Variants in KLF15 observed in about 807,000 individuals in gnomAD.
KLF15 encodes Krueppel-like factor 15.
Under a neutral mutation model 24.6 loss-of-function variants are expected in KLF15, and 4 were observed. The ratio of observed to expected loss-of-function variants is 0.16; its 90% CI spans 0.08 to 0.37. KLF15 has a LOEUF of 0.37. KLF15 is among the 10% of genes least tolerant of loss of function. The pLI, the probability that KLF15 is intolerant of heterozygous loss-of-function variation, is 1.00. For synonymous variants in KLF15, 246 were observed against 236.3 expected (o/e 1.04, Z -0.37); for missense variants, 496 against 560.6 (o/e 0.88, Z 1.16).
Position 126,352,521 on chromosome 3 carries a change from T to C in KLF15, c.402A>G (p.Pro134=), listed in dbSNP as rs1369596807. 7 of 1,613,092 alleles carry C rather than the reference T, an allele frequency of 4.3e-6. No homozygotes were observed. The highest frequency in any genetic ancestry group is 5.9e-6 in the Non-Finnish European group (7 of 1,180,014). Residue 134 remains proline, a synonymous_variant, in exon 2 of 3, where the codon CCA becomes CCG. Transcript: ENST00000296233. The stretch of plus-strand genomic sequence containing the variant: ...CCTCCAGGGTAGGCTGGAAGGGCCG[T>C]GGGACGTCATCAGGATCACCCAAAG... ...EFPLGDPDDV[P]RPFQPTLEEI...
At chr3:126,335,587 G>A in the KLF15 span, among the ~76,000 whole-genome samples, 310 of 147,714 alleles carry the variant, frequency 2.1e-3, 2 homozygotes, top group Non-Finnish European at 1.4e-3. Context: ...AATGAGGCAG[G>A]AGAAGGAAAT....
At chr3:126,326,975 C>T in the KLF15 span, among the ~76,000 whole-genome samples, 2 of 152,250 alleles carry the variant, frequency 1.3e-5, no homozygotes, top group African/African-American at 2.4e-5. Flanking sequence ...CTAGCCTCCC[C>T]GACACATCAC....
chr3:126,332,272 C>T, the KLF15 span, among the ~76,000 whole-genome samples: 11 of 149,240 alleles, frequency 7.4e-5, no homozygotes, highest in Non-Finnish European at 1.0e-4. Context: ...CCCTGACCCC[C>T]GAGCAGCCTA....
At chr3:126,350,922 G>GC (rs34817703) in intron 2 of KLF15, among the ~76,000 whole-genome samples, 1 of 152,188 alleles carries the variant, frequency 6.6e-6, no homozygotes, top group Admixed American at 6.5e-5. Flanking sequence ...AGCACACAGC[G>GC]CCCCCCAGGC....
chr3:126,305,116 G>A, the KLF15 span, among the ~76,000 whole-genome samples: 3 of 152,186 alleles, frequency 2.0e-5, no homozygotes, highest in Non-Finnish European at 4.4e-5. Flanking sequence ...TGTGATGGCT[G>A]GGGCTTGAGC....
the KLF15 span, chr3:126,289,067 C>A: frequency 6.6e-6 from 1 of 152,130 alleles, no homozygotes; most frequent in Non-Finnish European, 1.5e-5. Context: ...ATACAGGAGA[C>A]CTTTCAAAGC....
chr3:126,353,937 C>CA (rs1560042336), intron 1 of KLF15: 1 of 152,398 alleles, frequency 6.6e-6, no homozygotes, highest in Non-Finnish European at 1.5e-5. Context: ...ACCACCCCCC[C>CA]AGCCCATCCT....
At chr3:126,326,787 CAATT>C in the KLF15 span, among the ~76,000 whole-genome samples, 7 of 151,912 alleles carry the variant, frequency 4.6e-5, no homozygotes, top group Admixed American at 1.3e-4. Flanking sequence ...TAGTTTAAAT[CAATT>C]AATTATTAAC....
At chr3:126,339,593 C>T (rs554414135), downstream of KLF15, among the ~76,000 whole-genome samples, 1 of 152,334 alleles carries the variant, frequency 6.6e-6, no homozygotes, top group South Asian at 2.1e-4. Context: ...ATGGCCCCCA[C>T]TCTCAGCCCT....
chr3:126,322,446 TGA>T, the KLF15 span, among the ~76,000 whole-genome samples: 1 of 152,206 alleles, frequency 6.6e-6, no homozygotes, highest in Non-Finnish European at 1.5e-5. Flanking sequence ...TCTCTGTCTC[TGA>T]CCTCTTCTTC....
chr3:126,328,505 A>C, the KLF15 span, among the ~76,000 whole-genome samples: 9 of 152,182 alleles, frequency 5.9e-5, no homozygotes, highest in Non-Finnish European at 1.0e-4. Flanking sequence ...AGGAATCTCC[A>C]CACTGATTTC....
the KLF15 span, among the ~76,000 whole-genome samples, chr3:126,309,058 A>C: frequency 6.6e-6 from 1 of 152,344 alleles, no homozygotes; most frequent in Non-Finnish European, 1.5e-5. Flanking sequence ...CAGGCATCAA[A>C]GGTGAGACAA....
the KLF15 span, among the ~76,000 whole-genome samples, chr3:126,321,616 C>A: frequency 6.6e-6 from 1 of 152,240 alleles, no homozygotes; most frequent in Non-Finnish European, 1.5e-5. Flanking sequence ...ATGGACAGAA[C>A]CCTGGAGGCC....
chr3:126,321,458 G>C, the KLF15 span, among the ~76,000 whole-genome samples: 1 of 152,248 alleles, frequency 6.6e-6, no homozygotes, highest in Non-Finnish European at 1.5e-5. Context: ...CAGCACCACT[G>C]AGTGCCTGGT....
At chr3:126,308,400 A>G in the KLF15 span, among the ~76,000 whole-genome samples, 1 of 151,884 alleles carries the variant, frequency 6.6e-6, no homozygotes, top group African/African-American at 2.4e-5. Flanking sequence ...AGTTCTCTTC[A>G]GCCAAGGAAA....
chr3:126,291,012 G>T, the KLF15 span: 1 of 152,210 alleles, frequency 6.6e-6, no homozygotes, highest in Non-Finnish European at 1.5e-5. Context: ...CCACAACCAG[G>T]AACCCTCAGC....
At chr3:126,289,970 A>G in the KLF15 span, among the ~76,000 whole-genome samples, 1 of 152,226 alleles carries the variant, frequency 6.6e-6, no homozygotes, top group South Asian at 2.1e-4. Context: ...TTGCAAAAGA[A>G]AAGGAGCATG....
rs1047241901 is a variant in KLF15 at position 126,356,386 on chromosome 3, C to G, written c.-26+851G>C. ...GAGAAAACAGCCCCTCTGTGCCCTC[C>G]GTGAGAGGGGGGTTCCATGAGTAAC... On this transcript the variant is annotated intron_variant, in intron 1 of 2. Coordinates refer to ENST00000296233, the MANE Select transcript of KLF15 (RefSeq NM_014079.4). This position sits in a 1 kb window ranked among gnomAD's most constrained non-coding sequence, Gnocchi z 4.4. 2.0e-5 allele frequency among the ~76,000 whole-genome samples: 3 copies of G among 152,092 alleles called. No homozygotes were observed.
At chr3:126,306,847 C>A in the KLF15 span, among the ~76,000 whole-genome samples, 4 of 152,204 alleles carry the variant, frequency 2.6e-5, no homozygotes, top group African/African-American at 9.7e-5. Flanking sequence ...AGGCCTTGGG[C>A]CTATGGCCCC....
Sources: allele counts gnomAD v4.1 joint callset (sites outside exome capture counted in the v4.1 genomes callset), GRCh38; gene constraint gnomAD v4.1.1; non-coding constraint Gnocchi (gnomAD v3.1); transcripts MANE v1.5; gene names NCBI Gene and HGNC (gene_info 2026-07-23, HGNC 2026-07-21).